Variants in DEPDC5 observed in about 807,000 individuals in gnomAD.
DEPDC5 encodes GATOR1 complex protein DEPDC5.
DEPDC5 carries 73 observed loss-of-function variants against 217.3 expected under a neutral mutation model. That is an observed-to-expected ratio of 0.34 (90% CI 0.28 to 0.41). DEPDC5 has a LOEUF of 0.41. Among genes scored for constraint, DEPDC5 ranks in the 10% least tolerant of loss-of-function variants. The pLI, the probability that DEPDC5 is intolerant of heterozygous loss-of-function variation, is 1.00. For synonymous variants in DEPDC5, 733 were observed against 756.7 expected (o/e 0.97, Z 0.51); for missense variants, 1,675 against 2,070.1 (o/e 0.81, Z 3.70).
chr22:31,898,778 G>A (rs555944865), intron 40 of DEPDC5, among the ~76,000 whole-genome samples: 1 of 152,338 alleles, frequency 6.6e-6, no homozygotes, highest in African/African-American at 2.4e-5. Flanking sequence ...TGTTCTAAGT[G>A]ATAATCGGGG....
At chr22:31,898,001 G>A (rs1262023031) in intron 40 of DEPDC5, among the ~76,000 whole-genome samples, 1 of 152,138 alleles carries the variant, frequency 6.6e-6, no homozygotes, top group Admixed American at 6.6e-5. Flanking sequence ...AGCCTAACTG[G>A]TTTGGGCTGC....
At chr22:31,834,016 C>G (rs977345167) in intron 25 of DEPDC5, 36 bp downstream of exon 25, 40 of 1,602,052 alleles carry the variant, frequency 2.5e-5, no homozygotes, top group Admixed American at 3.3e-5. Context: ...AAGGGGTAGA[C>G]AGGGAGTGTG....
At chr22:31,902,408 T>TTATTTATATATATATATATATA (rs1555938650) in intron 41 of DEPDC5, among the ~76,000 whole-genome samples, 5 of 111,948 alleles carry the variant, frequency 4.5e-5, no homozygotes, top group African/African-American at 1.4e-4. Flanking sequence ...CATCTCCTTA[T>TTATTTATATATATATATATATA]TATATATATA....
At chr22:31,839,530 CT>C (rs1459940717) in intron 27 of DEPDC5, among the ~76,000 whole-genome samples, 2 of 152,184 alleles carry the variant, frequency 1.3e-5, no homozygotes, top group East Asian at 1.9e-4. Context: ...CCCCCCTCCC[CT>C]GATCACCTAG....
intron 12 of DEPDC5, among the ~76,000 whole-genome samples, chr22:31,794,076 A>G (rs1255850472): frequency 6.6e-6 from 1 of 152,204 alleles, no homozygotes; most frequent in African/African-American, 2.4e-5. Flanking sequence ...CAAAGTCCAC[A>G]CAATATTAAG....
chr22:31,791,272 T>G (rs1446496880), intron 10 of DEPDC5, among the ~76,000 whole-genome samples: 2 of 152,106 alleles, frequency 1.3e-5, no homozygotes, highest in Admixed American at 6.6e-5. Flanking sequence ...CCAGCAGTGC[T>G]CTGTCCCCTG....
At chr22:31,756,539 A>G (rs1290437736) in intron 2 of DEPDC5, among the ~76,000 whole-genome samples, 1 of 152,268 alleles carries the variant, frequency 6.6e-6, no homozygotes, top group African/African-American at 2.4e-5. Flanking sequence ...GATACAGTAT[A>G]TACAACGTAT....
chr22:31,823,552 A>G (rs1039170019), intron 24 of DEPDC5, among the ~76,000 whole-genome samples: 1 of 150,612 alleles, frequency 6.6e-6, no homozygotes. Context: ...AAAAAAAAAA[A>G]AAGAGAAGTG....
intron 38 of DEPDC5, among the ~76,000 whole-genome samples, chr22:31,887,912 G>GA (rs556267210): frequency 4.8e-4 from 73 of 151,792 alleles, no homozygotes; most frequent in African/African-American, 1.3e-3. Context: ...TTTTTCTTCA[G>GA]AAAAAAAATA....
chr22:31,800,345 A>G (rs2086740872), intron 14 of DEPDC5, among the ~76,000 whole-genome samples: 1 of 152,190 alleles, frequency 6.6e-6, no homozygotes, highest in African/African-American at 2.4e-5. Flanking sequence ...TCTGACAGCT[A>G]TGCATGTCTC....
At chr22:31,833,492 T>G (rs1331381123) in intron 24 of DEPDC5, among the ~76,000 whole-genome samples, 1 of 152,204 alleles carries the variant, frequency 6.6e-6, no homozygotes, top group Non-Finnish European at 1.5e-5. Flanking sequence ...ATTTTATATA[T>G]TTTTTAGAGA....
intron 22 of DEPDC5, among the ~76,000 whole-genome samples, chr22:31,820,262 T>C (rs139396136): frequency 0.035 from 5,265 of 151,998 alleles, 149 homozygotes; most frequent in African/African-American, 0.073. Context: ...CAGGCATACA[T>C]CACCACACCT....
At position 31,754,842 on chromosome 22, in the gene DEPDC5, C is replaced by T. The variant is rs1277927015; in HGVS notation, c.-60-20C>T. The T allele has an allele frequency of 1.3e-6, 2 of 1,533,924 alleles. No individual in the cohort carries two copies. The highest frequency in any genetic ancestry group is 1.4e-5 in the African/African-American group (1 of 73,032). ...GAAAAATCTGACATTCCAACCTTTT[C>T]GTTTGTATTTCTGTGGCAGGGAGGC... On this transcript the variant is annotated intron_variant, in intron 1 of 42. Transcript: ENST00000651528.
intron 38 of DEPDC5, among the ~76,000 whole-genome samples, chr22:31,886,820 C>T (rs1426709430): frequency 6.7e-6 from 1 of 149,150 alleles, no homozygotes; most frequent in Non-Finnish European, 1.5e-5. Context: ...CCTGTAATCC[C>T]AGCACTTTGG....
chr22:31,773,355 T>TTTTTTG lies in DEPDC5; in HGVS notation c.413+4508_413+4513dup, dbSNP rs1244255806. On this transcript the variant is annotated intron_variant, in intron 7 of 42. Transcript: ENST00000651528. The stretch of plus-strand genomic sequence containing the variant: ...AGTGCGTGCCAGCATGCCTGGCTCT[T>TTTTTTG]TTTTTGTTTTTGTTTTTGTTTCATT... 5.3e-5 allele frequency among the ~76,000 whole-genome samples: 8 copies of TTTTTTG among 152,054 alleles called. No homozygotes were observed. In the East Asian group the frequency reaches 1.5e-3, roughly 29 times the overall value.
intron 14 of DEPDC5, among the ~76,000 whole-genome samples, chr22:31,799,722 G>A (rs1428313736): frequency 3.3e-5 from 5 of 149,512 alleles, no homozygotes; most frequent in Admixed American, 2.0e-4. Flanking sequence ...GGCTGGTCTC[G>A]AGCTCCTGAC....
chr22:31,855,696 G>A (rs1191063555), intron 31 of DEPDC5, among the ~76,000 whole-genome samples: 1 of 152,100 alleles, frequency 6.6e-6, no homozygotes, highest in Non-Finnish European at 1.5e-5. Context: ...AATATTTCAT[G>A]TGGGTAGGCA....
At chr22:31,773,969 G>C (rs1272654789) in intron 7 of DEPDC5, among the ~76,000 whole-genome samples, 1 of 152,066 alleles carries the variant, frequency 6.6e-6, no homozygotes, top group Non-Finnish European at 1.5e-5. Context: ...TACTCGGGAG[G>C]CTGAGGCAGG....
chr22:31,856,843 C>G (rs2092323322), intron 31 of DEPDC5, among the ~76,000 whole-genome samples: 1 of 152,146 alleles, frequency 6.6e-6, no homozygotes, highest in Non-Finnish European at 1.5e-5. Context: ...CATCTCAGCT[C>G]ACTGCGACCT....
Sources: gnomAD v4.1 joint callset for allele counts (sites outside exome capture counted in the v4.1 genomes callset) on GRCh38, gnomAD v4.1.1 for gene constraint, MANE v1.5 for transcripts, NCBI Gene and HGNC (gene_info 2026-07-23, HGNC 2026-07-21) for gene names.